Variants in COL19A1 observed in about 807,000 individuals in gnomAD.
COL19A1 encodes the protein collagen alpha-1(XIX) chain.
COL19A1 carries 159 observed loss-of-function variants against 190.2 expected under a neutral mutation model. That is an observed-to-expected ratio of 0.84 (90% CI 0.73 to 0.95). The LOEUF (loss-of-function observed/expected upper bound fraction) is 0.95. COL19A1 is among the 40% of genes least tolerant of loss of function. The pLI is 0.00. For missense variants in COL19A1, 1,418 were observed against 1,431.9 expected, an observed-to-expected ratio of 0.99 and a Z score of 0.16; for synonymous variants, 509 against 458.9, an observed-to-expected ratio of 1.11 and a Z score of -1.39.
At chr6:70,168,443 A>T (rs1052613951) in intron 39 of COL19A1, among the ~76,000 whole-genome samples, 5 of 152,210 alleles carry the variant, frequency 3.3e-5, no homozygotes, top group African/African-American at 1.2e-4. Context: ...TTCATTGCAA[A>T]TCTAAGAACT....
intron 11 of COL19A1, among the ~76,000 whole-genome samples, chr6:69,981,977 A>G (rs1776057868): frequency 6.6e-6 from 1 of 152,202 alleles, no homozygotes; most frequent in African/African-American, 2.4e-5. Flanking sequence ...TAGCTGCTAC[A>G]ATAATACACA....
intron 23 of COL19A1, among the ~76,000 whole-genome samples, chr6:70,143,557 T>C (rs997243175): frequency 5.9e-5 from 9 of 152,198 alleles, no homozygotes; most frequent in African/African-American, 2.2e-4. Flanking sequence ...TTTCATGCCC[T>C]GGGAACAGCC....
Position 69,900,333 on chromosome 6 carries a change from C to T in COL19A1, c.261C>T (p.Asp87=). The T allele has an allele frequency of 6.6e-7, 1 of 1,514,030 alleles. No homozygotes were observed. The highest frequency in any genetic ancestry group is 8.9e-7 in the Non-Finnish European group (1 of 1,118,580). 93.8% of individuals were successfully genotyped at this position (1,514,030 alleles called of 1,614,324 possible). The change falls in exon 4 of 51, where the codon GAC becomes GAT. Residue 87 remains aspartate (D), a synonymous_variant. Coordinates refer to ENST00000620364, the MANE Select transcript of COL19A1 (RefSeq NM_001858.6). ...TGGGAAGTGCACTTCTTATTAGAGA[C>T]ACTATGTAAGTAAAAAATTATTTTC... ...FKLGSALLIR[D]TIKIFPKGLP... is the part of the protein sequence containing the mutation.
At chr6:70,151,177 G>C (rs138384941) in intron 30 of COL19A1, among the ~76,000 whole-genome samples, 2 of 152,298 alleles carry the variant, frequency 1.3e-5, no homozygotes, top group East Asian at 3.9e-4. Context: ...ACATTCAAGA[G>C]AGAAGAATAG....
At chr6:70,091,931 G>A (rs562056117) in intron 15 of COL19A1, among the ~76,000 whole-genome samples, 1 of 152,244 alleles carries the variant, frequency 6.6e-6, no homozygotes, top group Non-Finnish European at 1.5e-5. Context: ...TGGATGTTAA[G>A]TTTAAGGAAG....
chr6:70,001,274 T>A (rs1025188527), intron 11 of COL19A1, among the ~76,000 whole-genome samples: 1 of 152,180 alleles, frequency 6.6e-6, no homozygotes, highest in African/African-American at 2.4e-5. Context: ...TACTGTAGCT[T>A]TGTAGTATAG....
intron 14 of COL19A1, among the ~76,000 whole-genome samples, chr6:70,051,219 G>A (rs1029768692): frequency 3.9e-5 from 6 of 152,072 alleles, no homozygotes; most frequent in African/African-American, 1.4e-4. Context: ...GAGAATAAAT[G>A]TAAGGAATAT....
At chr6:69,989,756 T>G (rs758349081) in intron 11 of COL19A1, among the ~76,000 whole-genome samples, 3 of 152,022 alleles carry the variant, frequency 2.0e-5, no homozygotes, top group African/African-American at 4.8e-5. Context: ...AACAGAATGG[T>G]CTAGGTTCAA....
At chr6:70,135,009 G>A (rs190046472) in intron 18 of COL19A1, among the ~76,000 whole-genome samples, 93 of 152,238 alleles carry the variant, frequency 6.1e-4, no homozygotes, top group East Asian at 3.7e-3. Flanking sequence ...GCTATAAATC[G>A]GGGTCCTTAT....
intron 15 of COL19A1, among the ~76,000 whole-genome samples, chr6:70,070,441 G>C (rs574728718): frequency 1.3e-5 from 2 of 151,978 alleles, no homozygotes; most frequent in Non-Finnish European, 2.9e-5. Flanking sequence ...AAATGTAATA[G>C]AACTTATAGA....
chr6:70,141,547 C>T (rs1356754608), intron 20 of COL19A1, among the ~76,000 whole-genome samples: 3 of 152,162 alleles, frequency 2.0e-5, no homozygotes, highest in East Asian at 3.9e-4. Context: ...CTCCCTCATT[C>T]TTTCTCTGAA....
At position 70,035,917 on chromosome 6, in the gene COL19A1, C is replaced by A; in HGVS notation, c.1148C>A (p.Pro383His). ...GPKGEKGDTGPPGPPALPGSL... is the reference protein window; with the variant it reads ...GPKGEKGDTGHPGPPALPGSL... ...AATCTATTTTAGGGAGATACAGGAC[C>A]CCCAGGACCACCAGCCTTACCTGTA... is the stretch of plus-strand genomic sequence containing the variant. The change falls in exon 14 of 51, where the codon CCC (proline) becomes CAC (histidine). Residue 383 changes from proline to histidine, a missense_variant. By Grantham distance (77) the Pro-to-His change is moderately conservative (BLOSUM62 -2). Coordinates refer to ENST00000620364, the MANE Select transcript of COL19A1 (RefSeq NM_001858.6). 2 of 1,613,268 alleles carry A rather than the reference C, an allele frequency of 1.2e-6. No homozygotes were observed. The highest frequency in any genetic ancestry group is 1.7e-6 in the Non-Finnish European group (2 of 1,179,434).
chr6:70,140,924 T>C, intron 19 of COL19A1, 30 bp from the exon 20 acceptor site: 1 of 1,608,016 alleles, frequency 6.2e-7, no homozygotes, highest in South Asian at 1.1e-5. Flanking sequence ...CTAAGAGCGT[T>C]TAATTCTATT....
intron 16 of COL19A1, among the ~76,000 whole-genome samples, chr6:70,109,910 C>A (rs1453851625): frequency 6.6e-6 from 1 of 152,112 alleles, no homozygotes; most frequent in Non-Finnish European, 1.5e-5. Context: ...ACAGTTGGGG[C>A]AATGAAAATA....
intron 11 of COL19A1, among the ~76,000 whole-genome samples, chr6:69,982,294 T>A (rs547323836): frequency 1.5e-5 from 2 of 136,112 alleles, no homozygotes; most frequent in East Asian, 2.6e-4. Flanking sequence ...CAGGCTGGAG[T>A]GCAGTGGCAC....
intron 12 of COL19A1, among the ~76,000 whole-genome samples, chr6:70,030,946 C>A (rs1252575694): frequency 6.6e-6 from 1 of 152,174 alleles, no homozygotes; most frequent in Non-Finnish European, 1.5e-5. Context: ...CTCTTGCTGC[C>A]CATAATTTGT....
At chr6:69,873,111 A>G (rs1000898922) in intron 1 of COL19A1, among the ~76,000 whole-genome samples, 5 of 152,056 alleles carry the variant, frequency 3.3e-5, no homozygotes, top group Non-Finnish European at 5.9e-5. Flanking sequence ...TGGACCCTAC[A>G]TTTTAGAACA....
chr6:70,029,275 T>A (rs1313615561), intron 12 of COL19A1, among the ~76,000 whole-genome samples: 1 of 152,146 alleles, frequency 6.6e-6, no homozygotes, highest in Non-Finnish European at 1.5e-5. Context: ...AGATATGATA[T>A]CCCATGAGTA....
At chr6:70,048,457 A>G (rs1780022337) in intron 14 of COL19A1, among the ~76,000 whole-genome samples, 1 of 152,058 alleles carries the variant, frequency 6.6e-6, no homozygotes, top group African/African-American at 2.4e-5. Context: ...AGCCCTGCAG[A>G]CACAGTAACA....
Sources: gnomAD v4.1 joint callset for allele counts (sites outside exome capture counted in the v4.1 genomes callset) on GRCh38, gnomAD v4.1.1 for gene constraint, MANE v1.5 for transcripts, NCBI Gene and HGNC (gene_info 2026-07-23, HGNC 2026-07-21) for gene names.